The following LRP1B variants were observed in gnomAD, a reference collection of about 807,000 sequenced individuals.
LRP1B encodes low-density lipoprotein receptor-related protein 1B.
Under a neutral mutation model 556.6 loss-of-function variants are expected in LRP1B, and 217 were observed. The ratio of observed to expected loss-of-function variants is 0.39; its 90% CI spans 0.35 to 0.44. The LOEUF (loss-of-function observed/expected upper bound fraction) is 0.44. LRP1B is among the 20% of genes least tolerant of loss of function. The pLI is 1.00. For missense variants in LRP1B, 5,053 were observed against 5,620.8 expected (o/e 0.90, Z 3.23); for synonymous variants, 2,047 against 1,865.8 (o/e 1.10, Z -2.50).
chr2:141,000,239 G>T (rs1697377770), intron 15 of LRP1B, among the ~76,000 whole-genome samples: 1 of 151,950 alleles, frequency 6.6e-6, no homozygotes, highest in Admixed American at 6.6e-5. Flanking sequence ...ATTTCTAATA[G>T]AGTACAGTAC....
chr2:140,478,971 G>A (rs1389411926), intron 59 of LRP1B, among the ~76,000 whole-genome samples: 1 of 151,944 alleles, frequency 6.6e-6, no homozygotes, highest in Non-Finnish European at 1.5e-5. Flanking sequence ...TGGATTGTAT[G>A]TATCTTTGAA....
At chr2:141,045,430 A>T (rs1042290178) in intron 11 of LRP1B, among the ~76,000 whole-genome samples, 2 of 101,372 alleles carry the variant, frequency 2.0e-5, no homozygotes, top group African/African-American at 7.2e-5. Flanking sequence ...TAATAAAAAT[A>T]AATAAATTAA....
At chr2:141,819,256 C>CA (rs201026416) in intron 1 of LRP1B, among the ~76,000 whole-genome samples, 66 of 148,862 alleles carry the variant, frequency 4.4e-4, no homozygotes, top group Admixed American at 1.1e-3. Context: ...AACAAACAAA[C>CA]AAAAAAAAAA....
chr2:140,546,148 T>C (rs1420562334), intron 43 of LRP1B, among the ~76,000 whole-genome samples: 1 of 152,050 alleles, frequency 6.6e-6, no homozygotes, highest in South Asian at 2.1e-4. Flanking sequence ...CCTGGGACTT[T>C]GCTGAAATTG....
At chr2:141,222,981 C>G (rs1162159393) in intron 6 of LRP1B, among the ~76,000 whole-genome samples, 34 of 152,104 alleles carry the variant, frequency 2.2e-4, no homozygotes, top group Admixed American at 2.2e-3. Flanking sequence ...CAGCACAAGA[C>G]AAGGATGCCC....
intron 11 of LRP1B, among the ~76,000 whole-genome samples, chr2:141,033,918 C>T (rs1235455131): frequency 1.3e-5 from 2 of 152,056 alleles, no homozygotes; most frequent in Non-Finnish European, 2.9e-5. Context: ...ATTTTTGAGA[C>T]AAAACTTTAA....
chr2:140,468,773 A>C (rs1687648924), intron 60 of LRP1B, among the ~76,000 whole-genome samples: 1 of 152,216 alleles, frequency 6.6e-6, no homozygotes, highest in African/African-American at 2.4e-5. Context: ...GCTCTTAAGA[A>C]AAGATTATCT....
At chr2:141,651,839 C>T (rs1426632443) in intron 2 of LRP1B, among the ~76,000 whole-genome samples, 4 of 151,930 alleles carry the variant, frequency 2.6e-5, no homozygotes, top group African/African-American at 7.3e-5. Context: ...TATAATTTTT[C>T]GTAATGGACA....
At chr2:142,080,855 A>T (rs1176446932) in intron 1 of LRP1B, among the ~76,000 whole-genome samples, 1 of 152,158 alleles carries the variant, frequency 6.6e-6, no homozygotes, top group Non-Finnish European at 1.5e-5. Context: ...CCTAATGTAT[A>T]TTATACTTAA....
At chr2:142,007,668 T>C (rs747883794) in intron 1 of LRP1B, among the ~76,000 whole-genome samples, 43 of 152,324 alleles carry the variant, frequency 2.8e-4, no homozygotes, top group Non-Finnish European at 2.4e-4. Context: ...CAAGATAAAA[T>C]TGTCTTTAAT....
intron 2 of LRP1B, among the ~76,000 whole-genome samples, chr2:141,619,187 T>C (rs1688415516): frequency 6.6e-6 from 1 of 152,218 alleles, no homozygotes; most frequent in Admixed American, 6.5e-5. Context: ...AGGGAATTTC[T>C]GCTTTTTATA....
chr2:141,356,039 AGTAGAACAGAAGCATATAACC>A (rs1454570920), intron 3 of LRP1B, among the ~76,000 whole-genome samples: 3 of 152,200 alleles, frequency 2.0e-5, no homozygotes, highest in Non-Finnish European at 2.9e-5. Context: ...CCTCTCTTAT[AGTAGAACAGAAGCATATAACC>A]TGAGTATTGC....
In LRP1B at chr2:140,589,601, A is replaced by G. The variant is rs150652531; in HGVS notation, c.7194+9030T>C. On this transcript the variant is annotated intron_variant, in intron 43 of 90. Transcript: ENST00000389484. ...GTGGCTTATTCATATCATAGATACT[A>G]CTCAGCAGGAAAGAGAACAGACTAG... 2.5e-3 allele frequency among the ~76,000 whole-genome samples: 382 copies of G among 152,312 alleles called. 1 individual carries two copies. Among genetic ancestry groups the G allele is most frequent in the African/African-American group, 8.8e-3 (366 of 41,568 alleles).
intron 2 of LRP1B, among the ~76,000 whole-genome samples, chr2:141,617,821 A>G (rs1188805424): frequency 6.6e-6 from 1 of 152,238 alleles, no homozygotes; most frequent in Non-Finnish European, 1.5e-5. Context: ...AGAGAGTGGT[A>G]TAAAAACTCC....
intron 60 of LRP1B, among the ~76,000 whole-genome samples, chr2:140,469,965 A>G (rs1687696564): frequency 6.6e-6 from 1 of 152,228 alleles, no homozygotes; most frequent in Admixed American, 6.5e-5. Context: ...TAATTACAAG[A>G]GCACATATTG....
intron 3 of LRP1B, among the ~76,000 whole-genome samples, chr2:141,257,012 A>G (rs1332402808): frequency 6.6e-6 from 1 of 152,106 alleles, no homozygotes; most frequent in Non-Finnish European, 1.5e-5. Flanking sequence ...GCAAAATAAT[A>G]AAGTACATAA....
At chr2:141,633,849 A>T (rs1689000519) in intron 2 of LRP1B, among the ~76,000 whole-genome samples, 1 of 152,072 alleles carries the variant, frequency 6.6e-6, no homozygotes, top group Admixed American at 6.6e-5. Flanking sequence ...CCAAAGTAAG[A>T]TTAACCACAT....
chr2:141,335,570 T>C (rs1240493914), intron 3 of LRP1B, among the ~76,000 whole-genome samples: 2 of 152,170 alleles, frequency 1.3e-5, no homozygotes, highest in African/African-American at 4.8e-5. Context: ...TAGTCAGATA[T>C]GACATAAGCA....
intron 2 of LRP1B, among the ~76,000 whole-genome samples, chr2:141,654,543 C>A (rs932527788): frequency 6.6e-6 from 1 of 152,070 alleles, no homozygotes; most frequent in African/African-American, 2.4e-5. Flanking sequence ...CCATCTGTCA[C>A]ATGTGCTTCC....
Sources: allele counts gnomAD v4.1 joint callset (sites outside exome capture counted in the v4.1 genomes callset), GRCh38; gene constraint gnomAD v4.1.1; transcripts MANE v1.5; gene names NCBI Gene and HGNC (gene_info 2026-07-23, HGNC 2026-07-21).